ARHGEF10L: variants seen among roughly 807,000 people sequenced by gnomAD.
ARHGEF10L encodes the protein rho guanine nucleotide exchange factor 10-like protein.
In ARHGEF10L, 69 loss-of-function variants were observed where a neutral mutation model predicts 141.2. The ratio of observed to expected loss-of-function variants is 0.49; its 90% CI spans 0.40 to 0.60. ARHGEF10L has a LOEUF of 0.60. Ranked by LOEUF, ARHGEF10L falls within the 20% of genes least tolerant of loss-of-function variation. The pLI is 0.00. For missense variants in ARHGEF10L, 1,482 were observed against 1,734.3 expected (o/e 0.85, Z 2.58); for synonymous variants, 711 against 718.5 (o/e 0.99, Z 0.17).
intron 4 of ARHGEF10L, among the ~76,000 whole-genome samples, chr1:17,597,858 G>T (rs2080267207): frequency 6.6e-6 from 1 of 152,222 alleles, no homozygotes; most frequent in Admixed American, 6.5e-5. Flanking sequence ...GGCTCATCAG[G>T]TGTTTCCAAA....
At chr1:17,601,147 C>T (rs909667135) in intron 4 of ARHGEF10L, among the ~76,000 whole-genome samples, 1 of 152,006 alleles carries the variant, frequency 6.6e-6, no homozygotes, top group Non-Finnish European at 1.5e-5. Flanking sequence ...TTCCCCACTC[C>T]GATTTTGTCT....
chr1:17,672,590 G>A lies in ARHGEF10L; in HGVS notation c.3009+7995G>A, dbSNP rs548794577. On this transcript the variant is annotated intron_variant, in intron 26 of 28. Transcript: ENST00000361221. ...CTTAATTTTTTTTGTTAATGTGTGT[G>A]TCATTGTGGTTGTCACCCTGTTATG... Among the ~76,000 whole-genome samples the A allele has an allele frequency of 3.3e-5, 5 of 152,270 alleles. No homozygotes were observed. The South Asian group carries it at 1.0e-3, about 31-fold the overall frequency.
At chr1:17,567,339 G>C (rs957879610) in intron 1 of ARHGEF10L, among the ~76,000 whole-genome samples, 5 of 152,180 alleles carry the variant, frequency 3.3e-5, no homozygotes, top group African/African-American at 1.2e-4. Context: ...AAGGTTTGCT[G>C]CCTGGAGGGG....
At chr1:17,671,417 C>G (rs1377545155) in intron 26 of ARHGEF10L, among the ~76,000 whole-genome samples, 1 of 152,154 alleles carries the variant, frequency 6.6e-6, no homozygotes, top group African/African-American at 2.4e-5. Flanking sequence ...TGGATGGCAG[C>G]CGGGGACAGA....
chr1:17,661,974 C>T (rs2062659066), intron 25 of ARHGEF10L, among the ~76,000 whole-genome samples: 1 of 152,222 alleles, frequency 6.6e-6, no homozygotes, highest in African/African-American at 2.4e-5. Flanking sequence ...GCCTGTCACC[C>T]CTTGGGTGTC....
intron 1 of ARHGEF10L, among the ~76,000 whole-genome samples, chr1:17,556,269 C>CG (rs1194163932): frequency 0.017 from 142 of 8,436 alleles, no homozygotes; most frequent in African/African-American, 0.072. Flanking sequence ...GGGAGCATGG[C>CG]GGCGGGGGGG....
intron 22 of ARHGEF10L, among the ~76,000 whole-genome samples, chr1:17,650,732 CAAAA>C (rs71575854): frequency 2.6e-5 from 2 of 77,892 alleles, no homozygotes; most frequent in African/African-American, 5.1e-5. Context: ...GACCCTGTCT[CAAAA>C]AAAAAAAAAA....
chr1:17,671,179 G>T (rs890324789), intron 26 of ARHGEF10L, among the ~76,000 whole-genome samples: 1 of 152,240 alleles, frequency 6.6e-6, no homozygotes, highest in African/African-American at 2.4e-5. Context: ...CCGCCACGGC[G>T]GAGCCGCCTG....
At position 17,639,837 on chromosome 1, in the gene ARHGEF10L, C is replaced by T. The variant is rs748171938; in HGVS notation, c.2172-365C>T. Reference sequence around the variant, plus strand: ...AGACCCATTCCTCCCTCTAGAGGCACGTGGTCAGACATGTAAGGTGTCTAA... The same window carrying T: ...AGACCCATTCCTCCCTCTAGAGGCATGTGGTCAGACATGTAAGGTGTCTAA... On this transcript the variant is annotated intron_variant, in intron 20 of 28. Coordinates refer to ENST00000361221, the MANE Select transcript of ARHGEF10L (RefSeq NM_018125.4). This position sits in a 1 kb window ranked among gnomAD's most constrained non-coding sequence, Gnocchi z 4.3. 1.8e-5 allele frequency: 24 copies of T among 1,344,812 alleles called. No homozygotes were observed. Among genetic ancestry groups the T allele is most frequent in the African/African-American group, 1.5e-4 (10 of 68,146 alleles). The allele number at this position is 1,344,812 out of a possible 1,614,324, so 83.3% of individuals were successfully genotyped here. A position where few individuals can be genotyped will look rare whatever the true frequency, so the allele number is the denominator to read the frequency against.
chr1:17,652,566 T>A (rs183595066), intron 22 of ARHGEF10L, among the ~76,000 whole-genome samples: 10 of 152,256 alleles, frequency 6.6e-5, no homozygotes, highest in Admixed American at 2.6e-4. Context: ...GACACCCTGG[T>A]CCCCAGGAAG....
Position 17,695,295 on chromosome 1 carries a change from G to T in ARHGEF10L, c.3307+15G>T. 6.4e-7 allele frequency: 1 copy of T among 1,561,666 alleles called. No individual in the cohort carries two copies. The highest frequency in any genetic ancestry group is 8.6e-7 in the Non-Finnish European group (1 of 1,156,230). ...CAAGATCACAGGTGAGGCTTTGGGAGCTGGTGTTGGCAGGACCAGGGGGTC... is the reference window on the plus strand; with the variant it reads ...CAAGATCACAGGTGAGGCTTTGGGATCTGGTGTTGGCAGGACCAGGGGGTC... On this transcript the variant is annotated intron_variant, in intron 28 of 28. Coordinates refer to ENST00000361221, the MANE Select transcript of ARHGEF10L (RefSeq NM_018125.4).
At position 17,639,595 on chromosome 1, in the gene ARHGEF10L, T is replaced by C. The variant is rs1571170429; in HGVS notation, c.2172-607T>C. Among the ~76,000 whole-genome samples, 1 of 152,118 alleles carries C rather than the reference T, an allele frequency of 6.6e-6. No individual in the cohort carries two copies. The highest frequency in any genetic ancestry group is 1.5e-5 in the Non-Finnish European group (1 of 67,994). On this transcript the variant is annotated intron_variant, in intron 20 of 28. Transcript: ENST00000361221. This position sits in a 1 kb window ranked among gnomAD's most constrained non-coding sequence, Gnocchi z 4.3. Reference sequence around the variant, plus strand: ...TGCCTCTCATTCTCCACGTGCACCCTAGAGGCTTGTGACACTGCCCTGCCC... The same window carrying C: ...TGCCTCTCATTCTCCACGTGCACCCCAGAGGCTTGTGACACTGCCCTGCCC...
In ARHGEF10L at chr1:17,685,157, C is replaced by G. The variant is rs76987221; in HGVS notation, c.3010-2416C>G. 3.5e-3 allele frequency among the ~76,000 whole-genome samples: 526 copies of G among 152,310 alleles called. 5 individuals carry two copies. Among genetic ancestry groups the G allele is most frequent in the African/African-American group, 0.012 (512 of 41,560 alleles). ...TCCCTCTCCACTTGCTAAGCCCACG[C>G]GAGGTCTTCGGGGGCTGGACAAAGA... On this transcript the variant is annotated intron_variant, in intron 26 of 28. Coordinates refer to ENST00000361221, the MANE Select transcript of ARHGEF10L (RefSeq NM_018125.4).
chr1:17,637,904 C>T lies in ARHGEF10L; in HGVS notation c.1944C>T (p.Gly648=), dbSNP rs530838651. Residue 648 remains glycine, a synonymous_variant, in exon 19 of 29, where the codon GGC becomes GGT. Transcript: ENST00000361221. ...SGQAQNKVYL[G]PPRLFQELQD... ...TCTGCCCAGATAAGGTGTACCTCGG[C>T]CCCCCACGCCTCTTCCAGGAGCTGC... 4.4e-6 allele frequency: 7 copies of T among 1,591,334 alleles called. No individual in the cohort carries two copies. The highest frequency in any genetic ancestry group is 3.5e-5 in the Admixed American group (2 of 56,942).
chr1:17,518,434 C>T, the ARHGEF10L span, among the ~76,000 whole-genome samples: 65 of 152,274 alleles, frequency 4.3e-4, no homozygotes, highest in East Asian at 0.011. Context: ...TGTCTAGATA[C>T]TTGTGCTCTT....
chr1:17,626,163 C>T (rs1055310619), intron 14 of ARHGEF10L, 115 bp downstream of exon 14: 45 of 801,376 alleles, frequency 5.6e-5, no homozygotes, highest in Admixed American at 1.0e-4. Context: ...CATAACCCAC[C>T]CAACCTGCTG....
intron 28 of ARHGEF10L, among the ~76,000 whole-genome samples, chr1:17,696,561 G>A (rs911200320): frequency 1.3e-5 from 2 of 152,166 alleles, no homozygotes; most frequent in Non-Finnish European, 2.9e-5. Flanking sequence ...GACAGGAAAG[G>A]ATTTCTAGGC....
chr1:17,548,906 C>T (rs1259599227), intron 1 of ARHGEF10L, among the ~76,000 whole-genome samples: 3 of 151,786 alleles, frequency 2.0e-5, no homozygotes, highest in Non-Finnish European at 2.9e-5. Flanking sequence ...GCCTCAGCCT[C>T]CCAAAGTGCT....
In ARHGEF10L at chr1:17,623,370, A is replaced by T. The variant is rs527760388; in HGVS notation, c.1200+195A>T. On this transcript the variant is annotated intron_variant, in intron 12 of 28. Coordinates refer to ENST00000361221, the MANE Select transcript of ARHGEF10L (RefSeq NM_018125.4). The surrounding 1 kb of genome is among the most constrained non-coding windows in gnomAD (Gnocchi z 4.7). The stretch of plus-strand genomic sequence containing the variant: ...CTTGAAGTGGCCAGGATGTCCTTGG[A>T]TATACCTGGCAGGCCATGGTGCTGA... 2.0e-5 allele frequency among the ~76,000 whole-genome samples: 3 copies of T among 152,146 alleles called. No homozygotes were observed. Among genetic ancestry groups the T allele is most frequent in the Admixed American group, 2.0e-4 (3 of 15,296 alleles).
Sources: gnomAD v4.1 joint callset for allele counts (sites outside exome capture counted in the v4.1 genomes callset) on GRCh38, gnomAD v4.1.1 for gene constraint, Gnocchi (gnomAD v3.1) non-coding constraint, MANE v1.5 for transcripts, NCBI Gene and HGNC (gene_info 2026-07-23, HGNC 2026-07-21) for gene names.